The following DISP1 variants were observed in gnomAD, a reference collection of about 807,000 sequenced individuals.
The protein encoded by DISP1 is protein dispatched homolog 1.
In DISP1, 30 loss-of-function variants were observed where a neutral mutation model predicts 37.3. The ratio of observed to expected loss-of-function variants is 0.80; its 90% CI spans 0.60 to 1.09. DISP1 has a LOEUF of 1.09. Among genes scored for constraint, DISP1 ranks in the 50% least tolerant of loss-of-function variants. The probability of loss-of-function intolerance (pLI) is 0.00; values close to 1 mark genes in which losing one functional copy is unlikely to be tolerated. For synonymous variants in DISP1, 634 were observed against 690.2 expected (o/e 0.92, Z 1.28); for missense variants, 1,598 against 1,879.5 (o/e 0.85, Z 2.77).
At chr1:222,875,749 C>T (rs905856751) in intron 1 of DISP1, among the ~76,000 whole-genome samples, 1 of 149,410 alleles carries the variant, frequency 6.7e-6, no homozygotes, top group African/African-American at 2.5e-5. Flanking sequence ...ATCACTTGAA[C>T]CCAGGAGGTG....
chr1:222,948,512 T>C (rs1372975672), intron 3 of DISP1, among the ~76,000 whole-genome samples: 1 of 152,242 alleles, frequency 6.6e-6, no homozygotes, highest in East Asian at 1.9e-4. Context: ...CATGCTTTAC[T>C]GCCTTTGATT....
At chr1:222,969,050 C>T (rs577172168) in intron 3 of DISP1, among the ~76,000 whole-genome samples, 6 of 151,832 alleles carry the variant, frequency 4.0e-5, no homozygotes, top group Non-Finnish European at 7.4e-5. Context: ...AAGGATGACT[C>T]TTTAATTGTA....
At chr1:222,888,040 C>T (rs1670730586) in intron 1 of DISP1, among the ~76,000 whole-genome samples, 1 of 152,120 alleles carries the variant, frequency 6.6e-6, no homozygotes, top group African/African-American at 2.4e-5. Context: ...AGTTTCAGTT[C>T]ACAATTTTGG....
At chr1:222,936,845 T>TATATATGATATATAAATTATATATC (rs1673870921) in intron 2 of DISP1, among the ~76,000 whole-genome samples, 1 of 44,418 alleles carries the variant, frequency 2.3e-5, no homozygotes, top group African/African-American at 7.8e-5. Flanking sequence ...ATATATATCA[T>TATATATGATATATAAATTATATATC]ATATATGATA....
intron 1 of DISP1, among the ~76,000 whole-genome samples, chr1:222,907,331 A>C (rs969048068): frequency 1.3e-4 from 20 of 152,214 alleles, no homozygotes; most frequent in African/African-American, 4.6e-4. Flanking sequence ...CAGGAGTAAA[A>C]CGGGGAAGAA....
At chr1:222,936,708 T>TATTATATATCATATATATTATATATAAAA (rs1673786597) in intron 2 of DISP1, among the ~76,000 whole-genome samples, 1 of 96,200 alleles carries the variant, frequency 1.0e-5, no homozygotes, top group African/African-American at 3.8e-5. Context: ...ATATCATATA[T>TATTATATATCATATATATTATATATAAAA]ATTATATATC....
At chr1:222,945,345 ACT>A (rs1443343910) in intron 3 of DISP1, among the ~76,000 whole-genome samples, 28 of 152,134 alleles carry the variant, frequency 1.8e-4, no homozygotes, top group African/African-American at 6.7e-4. Context: ...CTAGTTTTAG[ACT>A]CTTTCCATTT....
chr1:223,004,221 C>A lies in DISP1; in HGVS notation c.2824C>A (p.Gln942Lys), dbSNP rs1231801318. 1.2e-6 allele frequency: 2 copies of A among 1,614,024 alleles called. No individual in the cohort carries two copies. Among genetic ancestry groups the A allele is most frequent in the Non-Finnish European group, 1.7e-6 (2 of 1,180,020 alleles). Residue 942 changes from glutamine to lysine, a missense_variant, in exon 9 of 9, where the codon CAG (glutamine) becomes AAG (lysine). By Grantham distance (53) the Gln-to-Lys change is moderately conservative. Transcript: ENST00000675850. The surrounding 1 kb of genome is among the most constrained non-coding windows in gnomAD (Gnocchi z 4.9). ...CACACTGGCTTATGAAAAGATGCAT[C>A]AGTTTTATAAAGAGGTGGACTCGTG... ...LFTLAYEKMH[Q>K]FYKEVDSWIS...
In DISP1 at chr1:222,849,409, A is replaced by C. The variant is rs575570361; in HGVS notation, c.-159+34331A>C. Among the ~76,000 whole-genome samples, 260 of 152,308 alleles carry C rather than the reference A, an allele frequency of 1.7e-3. 3 individuals carry two copies. The highest frequency in any genetic ancestry group is 5.9e-3 in the African/African-American group (246 of 41,586). Reference sequence around the variant, plus strand: ...TTACTTCTAAACCTAGTATTTATACAAAAAAGGCTGTCTAAATGAAAACCA... The same window carrying C: ...TTACTTCTAAACCTAGTATTTATACCAAAAAGGCTGTCTAAATGAAAACCA... On this transcript the variant is annotated intron_variant, in intron 1 of 8. Transcript: ENST00000675850.
At chr1:222,978,942 A>T (rs1477434541) in intron 3 of DISP1, among the ~76,000 whole-genome samples, 1 of 152,148 alleles carries the variant, frequency 6.6e-6, no homozygotes, top group Non-Finnish European at 1.5e-5. Flanking sequence ...TATAGTTTGA[A>T]GTCCGGTAGC....
intron 4 of DISP1, among the ~76,000 whole-genome samples, chr1:222,989,868 T>A (rs1381392301): frequency 1.3e-5 from 2 of 151,752 alleles, no homozygotes; most frequent in Non-Finnish European, 2.9e-5. Context: ...AGTGGCATGA[T>A]CTCAGCTCAC....
intron 1 of DISP1, among the ~76,000 whole-genome samples, chr1:222,859,401 A>G (rs1668750018): frequency 6.6e-6 from 1 of 152,176 alleles, no homozygotes; most frequent in South Asian, 2.1e-4. Flanking sequence ...CACCTAGGTG[A>G]TGGGTTGATA....
intron 1 of DISP1, among the ~76,000 whole-genome samples, chr1:222,849,444 G>C (rs935649600): frequency 6.2e-5 from 9 of 144,700 alleles, no homozygotes; most frequent in Admixed American, 6.7e-5. Flanking sequence ...ACATTGAGAT[G>C]CAATAGACCA....
chr1:222,822,004 G>A (rs1276040386), intron 1 of DISP1, among the ~76,000 whole-genome samples: 11 of 152,018 alleles, frequency 7.2e-5, no homozygotes, highest in Non-Finnish European at 1.6e-4. Flanking sequence ...AAGTTTCCTG[G>A]GGTCTCCCCT....
At chr1:222,872,099 T>C (rs2125347037) in intron 1 of DISP1, among the ~76,000 whole-genome samples, 1 of 152,184 alleles carries the variant, frequency 6.6e-6, no homozygotes, top group East Asian at 1.9e-4. Flanking sequence ...TTTATTGATT[T>C]TCATGTTGAA....
intron 1 of DISP1, among the ~76,000 whole-genome samples, chr1:222,912,298 G>A (rs187827928): frequency 9.9e-5 from 15 of 152,206 alleles, no homozygotes; most frequent in Non-Finnish European, 1.6e-4. Flanking sequence ...AATTTGGACC[G>A]TTTATGTATT....
chr1:222,917,244 C>G (rs891937679), intron 1 of DISP1, among the ~76,000 whole-genome samples: 2 of 150,610 alleles, frequency 1.3e-5, no homozygotes, highest in Non-Finnish European at 1.5e-5. Context: ...TTTGTCCCCC[C>G]TTCATTCAGT....
intron 2 of DISP1, among the ~76,000 whole-genome samples, chr1:222,936,591 A>ATATATATATATCTCATATATAT (rs1558339084): frequency 6.1e-5 from 1 of 16,450 alleles, no homozygotes; most frequent in Non-Finnish European, 1.2e-4. Context: ...TATATATGAG[A>ATATATATATATCTCATATATAT]GATATATATC....
At chr1:222,977,581 A>G (rs1677469965) in intron 3 of DISP1, among the ~76,000 whole-genome samples, 1 of 148,624 alleles carries the variant, frequency 6.7e-6, no homozygotes, top group South Asian at 2.1e-4. Flanking sequence ...TATGTGCACA[A>G]CGTGCAGGTT....
Sources: gnomAD v4.1 joint callset for allele counts (sites outside exome capture counted in the v4.1 genomes callset) on GRCh38, gnomAD v4.1.1 for gene constraint, Gnocchi (gnomAD v3.1) non-coding constraint, MANE v1.5 for transcripts, NCBI Gene and HGNC (gene_info 2026-07-23, HGNC 2026-07-21) for gene names.